The following TCERG1L variants were observed in gnomAD, a reference collection of about 807,000 sequenced individuals.
TCERG1L encodes the protein transcription elongation regulator 1-like protein.
TCERG1L carries 37 observed loss-of-function variants against 56.3 expected under a neutral mutation model. The ratio of observed to expected loss-of-function variants is 0.66; its 90% confidence interval spans 0.51 to 0.87. The LOEUF (loss-of-function observed/expected upper bound fraction) is 0.87, where lower values mean the gene tolerates loss of function less well. TCERG1L is among the 40% of genes least tolerant of loss of function. TCERG1L has a pLI of 0.00. For missense variants in TCERG1L, 799 were observed against 774.2 expected (o/e 1.03, Z -0.38); for synonymous variants, 324 against 326.3 (o/e 0.99, Z 0.08).
At chr10:131,255,534 G>C (rs939699661) in intron 4 of TCERG1L, among the ~76,000 whole-genome samples, 1 of 152,234 alleles carries the variant, frequency 6.6e-6, no homozygotes, top group African/African-American at 2.4e-5. Context: ...CGTTTCTCAG[G>C]CTCGGAGGGA....
chr10:131,161,192 G>A (rs143715984), intron 6 of TCERG1L: 28 of 152,330 alleles, frequency 1.8e-4, no homozygotes, highest in African/African-American at 6.5e-4. Context: ...ACATTTGGAT[G>A]TGTTTAGACA....
In TCERG1L at chr10:131,291,401, C is replaced by CTTTTTTTTTTTTTTTTTT. The variant is rs71009957; in HGVS notation, c.670+16792_670+16809dup. The stretch of plus-strand genomic sequence containing the variant: ...TGTGTATATTCCATAAACAGCATTT[C>CTTTTTTTTTTTTTTTTTT]TTTTTTTTTTTTTTTTTTTTTTTTT... On this transcript the variant is annotated intron_variant, in intron 3 of 11. Coordinates refer to ENST00000368642, the MANE Select transcript of TCERG1L (RefSeq NM_174937.4). Among the ~76,000 whole-genome samples, 29 of 36,594 alleles carry CTTTTTTTTTTTTTTTTTT rather than the reference C, an allele frequency of 7.9e-4. 11 individuals carry two copies. The highest frequency in any genetic ancestry group is 1.3e-3 in the African/African-American group (13 of 10,018). 24.0% of individuals were successfully genotyped at this position (36,594 alleles called of 152,430 possible). A position where few individuals can be genotyped will look rare whatever the true frequency, so the allele number is the denominator to read the frequency against.
chr10:131,148,333 TACAC>T (rs1190022799), intron 6 of TCERG1L, among the ~76,000 whole-genome samples: 2 of 149,796 alleles, frequency 1.3e-5, no homozygotes, highest in Non-Finnish European at 3.0e-5. Flanking sequence ...CAAACACACA[TACAC>T]ACAAACAGAC....
At chr10:131,226,865 G>A (rs186505109) in intron 4 of TCERG1L, among the ~76,000 whole-genome samples, 149 of 152,338 alleles carry the variant, frequency 9.8e-4, no homozygotes, top group African/African-American at 3.1e-3. Context: ...GGAGGAAAAC[G>A]AAGTATCCTG....
At chr10:131,139,810 ATG>A (rs769725831) in intron 7 of TCERG1L, among the ~76,000 whole-genome samples, 4 of 149,542 alleles carry the variant, frequency 2.7e-5, no homozygotes, top group South Asian at 2.1e-4. Context: ...GTGTGCGTAT[ATG>A]TGTGTGTATG....
intron 2 of TCERG1L, 136 bp from the exon 3 acceptor site, chr10:131,308,527 T>C (rs1187668973): frequency 4.1e-6 from 3 of 730,508 alleles, no homozygotes; most frequent in African/African-American, 3.6e-5. Flanking sequence ...TATAAAACCA[T>C]CATTCTAAAA....
chr10:131,251,670 T>G (rs2133533298), intron 4 of TCERG1L, among the ~76,000 whole-genome samples: 1 of 152,354 alleles, frequency 6.6e-6, no homozygotes, highest in South Asian at 2.1e-4. Flanking sequence ...TCACTGTTTC[T>G]TACTTAATGC....
chr10:131,117,669 G>C (rs960695555), intron 8 of TCERG1L, among the ~76,000 whole-genome samples: 2 of 152,190 alleles, frequency 1.3e-5, no homozygotes, highest in Non-Finnish European at 2.9e-5. Context: ...ACCATGCCGG[G>C]CTGGGCAGCT....
chr10:131,237,077 G>A (rs1845920410), intron 4 of TCERG1L, among the ~76,000 whole-genome samples: 1 of 151,860 alleles, frequency 6.6e-6, no homozygotes, highest in Non-Finnish European at 1.5e-5. Flanking sequence ...CTCACCCCAT[G>A]CCCTGCCGCT....
At chr10:131,192,764 A>T (rs1413883325) in intron 4 of TCERG1L, among the ~76,000 whole-genome samples, 1 of 144,482 alleles carries the variant, frequency 6.9e-6, no homozygotes, top group Non-Finnish European at 1.5e-5. Context: ...GGAGTGGAAA[A>T]CCAAAAACTG....
intron 7 of TCERG1L, 90 bp downstream of exon 7, chr10:131,146,416 C>A: frequency 7.3e-7 from 1 of 1,370,988 alleles, no homozygotes; most frequent in Non-Finnish European, 9.7e-7. Flanking sequence ...TCAACATAAC[C>A]AAGAAGAAAC....
chr10:131,219,733 T>C (rs1845711122), intron 4 of TCERG1L, among the ~76,000 whole-genome samples: 1 of 152,288 alleles, frequency 6.6e-6, no homozygotes, highest in East Asian at 1.9e-4. Context: ...GGGCTGGATA[T>C]GGGCCCTGAG....
rs1218555332 is a variant in TCERG1L, at chr10:131,311,658, G to T, written c.-23C>A. 13 of 1,079,238 alleles carry T rather than the reference G, an allele frequency of 1.2e-5. No homozygotes were observed. Among genetic ancestry groups the T allele is most frequent in the Non-Finnish European group, 1.5e-5 (13 of 886,448 alleles). The allele number at this position is 1,079,238 out of a possible 1,614,324, so 66.9% of individuals were successfully genotyped here. ...CATCCTACATCCCCGCGCTGACGGC[G>T]GCGGCGGGGGCGGCGGGCGCCCGAG... On this transcript the variant is annotated 5_prime_UTR_variant, in exon 1 of 12. Coordinates refer to ENST00000368642, the MANE Select transcript of TCERG1L (RefSeq NM_174937.4). This position sits in a 1 kb window ranked among gnomAD's most constrained non-coding sequence, Gnocchi z 4.0.
intron 3 of TCERG1L, among the ~76,000 whole-genome samples, chr10:131,287,574 T>C (rs1299345620): frequency 6.6e-6 from 1 of 152,158 alleles, no homozygotes; most frequent in Non-Finnish European, 1.5e-5. Context: ...CACCTTGAAG[T>C]ACAGTCCAGA....
At chr10:131,107,241 G>A (rs1294581391) in intron 9 of TCERG1L, among the ~76,000 whole-genome samples, 1 of 152,328 alleles carries the variant, frequency 6.6e-6, no homozygotes, top group Non-Finnish European at 1.5e-5. Flanking sequence ...TGCATAGCCC[G>A]ATGGTCCCAG....
intron 4 of TCERG1L, among the ~76,000 whole-genome samples, chr10:131,181,742 A>G (rs111551089): frequency 5.9e-5 from 9 of 152,352 alleles, no homozygotes; most frequent in South Asian, 2.1e-4. Flanking sequence ...TCGCCTCCTG[A>G]GCACACTCAG....
At chr10:131,160,160 C>A (rs2133428216) in intron 6 of TCERG1L, among the ~76,000 whole-genome samples, 1 of 152,298 alleles carries the variant, frequency 6.6e-6, no homozygotes, top group South Asian at 2.1e-4. Context: ...TCCGTCCACT[C>A]AAAGGTATTA....
At chr10:131,281,468 A>G (rs1315405640) in intron 3 of TCERG1L, among the ~76,000 whole-genome samples, 1 of 152,160 alleles carries the variant, frequency 6.6e-6, no homozygotes, top group Non-Finnish European at 1.5e-5. Flanking sequence ...TACTTTCCTC[A>G]AGAGTGAGCA....
chr10:131,169,083 G>A (rs370986184), intron 4 of TCERG1L, among the ~76,000 whole-genome samples: 7 of 152,094 alleles, frequency 4.6e-5, no homozygotes, highest in African/African-American at 1.2e-4. Flanking sequence ...TAAGATTTCC[G>A]GAACTCTGTT....
Sources: allele counts gnomAD v4.1 joint callset (sites outside exome capture counted in the v4.1 genomes callset), GRCh38; gene constraint gnomAD v4.1.1; non-coding constraint Gnocchi (gnomAD v3.1); transcripts MANE v1.5; gene names NCBI Gene and HGNC (gene_info 2026-07-23, HGNC 2026-07-21).